RAD51B: variants seen among roughly 807,000 people sequenced by gnomAD.
RAD51B encodes the protein DNA repair protein RAD51 homolog 2.
Under a neutral mutation model 42.2 loss-of-function variants are expected in RAD51B, and 38 were observed. That is an observed-to-expected ratio of 0.90 (90% CI 0.70 to 1.18). The LOEUF (loss-of-function observed/expected upper bound fraction) is 1.18. Ranked by LOEUF, RAD51B falls within the 50% of genes most tolerant of loss-of-function variation. RAD51B has a pLI of 0.00. For missense variants in RAD51B, 373 were observed against 400.7 expected (o/e 0.93, Z 0.59); for synonymous variants, 154 against 145.2 (o/e 1.06, Z -0.43).
intron 7 of RAD51B, among the ~76,000 whole-genome samples, chr14:68,057,305 A>AT (rs937646783): frequency 6.6e-6 from 1 of 152,138 alleles, no homozygotes; most frequent in South Asian, 2.1e-4. Context: ...TGATCTTTAG[A>AT]TTTTTTACCA....
At chr14:67,879,894 T>G (rs1392188773) in intron 5 of RAD51B, among the ~76,000 whole-genome samples, 2 of 152,212 alleles carry the variant, frequency 1.3e-5, no homozygotes, top group Non-Finnish European at 2.9e-5. Flanking sequence ...AATTGAGTAA[T>G]AGTTGCTTAG....
At chr14:68,353,201 A>T (rs1594711068) in intron 8 of RAD51B, among the ~76,000 whole-genome samples, 1 of 152,248 alleles carries the variant, frequency 6.6e-6, no homozygotes, top group African/African-American at 2.4e-5. Context: ...TGCAACTGGC[A>T]TCGTGGCACA....
intron 10 of RAD51B, among the ~76,000 whole-genome samples, chr14:68,630,280 A>G (rs1892196192): frequency 6.6e-6 from 1 of 152,076 alleles, no homozygotes; most frequent in Non-Finnish European, 1.5e-5. Flanking sequence ...CTCCGGAGGA[A>G]TTTCTTCAAG....
At chr14:68,664,445 T>C (rs1892993372) in intron 11 of RAD51B, among the ~76,000 whole-genome samples, 1 of 152,102 alleles carries the variant, frequency 6.6e-6, no homozygotes, top group Non-Finnish European at 1.5e-5. Flanking sequence ...GTCCAAAAGC[T>C]AAATCTGAAA....
At chr14:68,367,487 A>T (rs551317960) in intron 8 of RAD51B, among the ~76,000 whole-genome samples, 48 of 152,328 alleles carry the variant, frequency 3.2e-4, no homozygotes, top group African/African-American at 1.1e-3. Context: ...ACTTGAGGAT[A>T]TAAAAAAGTA....
chr14:68,518,464 G>A (rs562915314), intron 10 of RAD51B, among the ~76,000 whole-genome samples: 4 of 152,230 alleles, frequency 2.6e-5, no homozygotes, highest in East Asian at 3.9e-4. Flanking sequence ...GTCGGGGGGC[G>A]GGAGGAAATC....
rs768514164 is a variant in RAD51B, at chr14:68,411,529, T to C, written c.957+2T>C. On this transcript the variant is annotated splice_donor_variant, in intron 9 of 10. Transcript: ENST00000471583. LOFTEE classifies it high-confidence loss of function. ...TACCTTGATTCAGAGAGAAGACAGG[T>C]GGGTGCTTTGACAGTATTCTCTGAC... 6.2e-7 allele frequency: 1 copy of C among 1,612,634 alleles called. No homozygotes were observed. The highest frequency in any genetic ancestry group is 8.5e-7 in the Non-Finnish European group (1 of 1,178,916).
chr14:68,033,727 T>C (rs1305211790), intron 7 of RAD51B, among the ~76,000 whole-genome samples: 2 of 152,196 alleles, frequency 1.3e-5, no homozygotes, highest in African/African-American at 2.4e-5. Context: ...TGCTTGGAGA[T>C]GGCTCAAGTG....
intron 9 of RAD51B, among the ~76,000 whole-genome samples, chr14:68,466,943 A>G (rs577498987): frequency 6.6e-6 from 1 of 152,352 alleles, no homozygotes; most frequent in African/African-American, 2.4e-5. Context: ...ACCACTTCTC[A>G]TAGTTGACAG....
At chr14:67,871,235 TA>T (rs2042519424) in intron 5 of RAD51B, among the ~76,000 whole-genome samples, 1 of 151,702 alleles carries the variant, frequency 6.6e-6, no homozygotes, top group Non-Finnish European at 1.5e-5. Context: ...ATAGATGCAA[TA>T]AAAAATGATA....
In RAD51B at chr14:68,411,633, C is replaced by T. The variant is rs1425046257; in HGVS notation, c.957+106C>T. ...GCTGGCCGCATTGTCTGTCCTGAGC[C>T]AGCAGCAGCTATTAGGGCCTAAAGA... On this transcript the variant is annotated intron_variant, in intron 9 of 10. Coordinates refer to ENST00000471583, the MANE Select transcript of RAD51B (RefSeq NM_133510.4). The T allele has an allele frequency of 4.8e-6, 5 of 1,033,476 alleles. No individual in the cohort carries two copies. The East Asian group carries it at 1.3e-4, about 27-fold the overall frequency. 64.0% of individuals were successfully genotyped at this position (1,033,476 alleles called of 1,614,324 possible). A position where few individuals can be genotyped will look rare whatever the true frequency, so the allele number is the denominator to read the frequency against.
intron 7 of RAD51B, among the ~76,000 whole-genome samples, chr14:68,193,875 ATGTTATC>A (rs2140910132): frequency 6.6e-6 from 1 of 152,240 alleles, no homozygotes; most frequent in Admixed American, 6.5e-5. Context: ...GTAAGATGGC[ATGTTATC>A]TGTTAGAAAT....
chr14:67,991,176 C>T (rs1227259461), intron 7 of RAD51B, among the ~76,000 whole-genome samples: 1 of 152,176 alleles, frequency 6.6e-6, no homozygotes, highest in Non-Finnish European at 1.5e-5. Flanking sequence ...GAGACACAGC[C>T]TTCAGGCAGG....
intron 8 of RAD51B, among the ~76,000 whole-genome samples, chr14:68,325,640 G>A (rs144994699): frequency 0.018 from 2,737 of 149,040 alleles, 77 homozygotes; most frequent in African/African-American, 0.061. Flanking sequence ...CTCCTTCTAC[G>A]CTTAGGCCAA....
At chr14:68,305,105 C>G (rs1262034360) in intron 8 of RAD51B, among the ~76,000 whole-genome samples, 1 of 152,112 alleles carries the variant, frequency 6.6e-6, no homozygotes, top group African/African-American at 2.4e-5. Flanking sequence ...GTATTTTTTC[C>G]CTACATCCCG....
At chr14:68,605,954 G>A (rs757930992) in intron 10 of RAD51B, among the ~76,000 whole-genome samples, 5 of 152,146 alleles carry the variant, frequency 3.3e-5, no homozygotes, top group East Asian at 1.9e-4. Flanking sequence ...ACCGTTTCCC[G>A]CCAGGGACAT....
At chr14:68,135,102 A>G (rs1023765247) in intron 7 of RAD51B, among the ~76,000 whole-genome samples, 4 of 152,196 alleles carry the variant, frequency 2.6e-5, no homozygotes, top group African/African-American at 9.6e-5. Context: ...TAAGATGAGT[A>G]AAACCATTGA....
chr14:68,599,169 G>C (rs1404824321), downstream of RAD51B, among the ~76,000 whole-genome samples: 1 of 152,196 alleles, frequency 6.6e-6, no homozygotes, highest in Non-Finnish European at 1.5e-5. Flanking sequence ...GAACACAGGG[G>C]GCTGCCAGGA....
chr14:67,890,181 A>T (rs978336359), intron 7 of RAD51B, among the ~76,000 whole-genome samples: 3 of 152,220 alleles, frequency 2.0e-5, no homozygotes, highest in Non-Finnish European at 2.9e-5. Context: ...AATAGTTATT[A>T]TACGTATTGT....
Sources: allele counts gnomAD v4.1 joint callset (sites outside exome capture counted in the v4.1 genomes callset), GRCh38; gene constraint gnomAD v4.1.1; transcripts MANE v1.5; gene names NCBI Gene and HGNC (gene_info 2026-07-23, HGNC 2026-07-21).